UNC13B: variants seen among roughly 807,000 people sequenced by gnomAD.
UNC13B encodes unc-13 homolog B, also known as protein unc-13 homolog B.
In UNC13B, 144 loss-of-function variants were observed where a neutral mutation model predicts 211.0. The observed-to-expected ratio is 0.68, with a 90% CI of 0.60 to 0.78. The LOEUF is 0.78. Ranked by LOEUF, UNC13B falls within the 30% of genes least tolerant of loss-of-function variation. UNC13B has a pLI of 0.00. For synonymous variants in UNC13B, 709 were observed against 725.8 expected (o/e 0.98, Z 0.37); for missense variants, 1,777 against 2,002.0 (o/e 0.89, Z 2.14).
intron 11 of UNC13B, among the ~76,000 whole-genome samples, chr9:35,340,669 C>G (rs1831934430): frequency 6.6e-6 from 1 of 152,136 alleles, no homozygotes; most frequent in Admixed American, 6.5e-5. Context: ...GTACTGTTGG[C>G]CTAAGGAGGA....
chr9:35,227,027 T>G (rs1312162269), intron 1 of UNC13B, among the ~76,000 whole-genome samples: 1 of 152,254 alleles, frequency 6.6e-6, no homozygotes, highest in Non-Finnish European at 1.5e-5. Flanking sequence ...GCCAGGCTAT[T>G]CAGAGAGATG....
chr9:35,349,087 T>A (rs1251559479), intron 11 of UNC13B, among the ~76,000 whole-genome samples: 1 of 152,046 alleles, frequency 6.6e-6, no homozygotes, highest in South Asian at 2.1e-4. Flanking sequence ...CCAGCTAATT[T>A]TTATATTTTT....
intron 11 of UNC13B, chr9:35,351,682 G>A (rs1019143183): frequency 1.5e-5 from 19 of 1,232,164 alleles, no homozygotes; most frequent in Non-Finnish European, 1.9e-5. Flanking sequence ...ACAACTCCCT[G>A]CCCCCTTGCT....
At chr9:35,276,202 A>T (rs1828165298) in intron 7 of UNC13B, among the ~76,000 whole-genome samples, 1 of 149,596 alleles carries the variant, frequency 6.7e-6, no homozygotes, top group East Asian at 2.0e-4. Flanking sequence ...GCTACATGGG[A>T]GGCTGAAGCG....
rs759268832 is a variant in UNC13B, at chr9:35,396,477, G to A, written c.11310G>A (p.Glu3770=). The change falls in exon 27 of 40, where the codon GAG becomes GAA. Residue 3770 remains glutamate (E), a splice_region_variant and synonymous_variant. Coordinates refer to ENST00000635942, the MANE Select transcript of UNC13B (RefSeq NM_001371189.2). ...CCCAACCTTTCTCCCTACCACTAGA[G>A]CATGAGAAAGACCACCTGTGTAAAA... The part of the protein sequence containing the change: ...FAQDMKYALE[E]HEKDHLCKSA... 3 of 1,614,100 alleles carry A rather than the reference G, an allele frequency of 1.9e-6. No homozygotes were observed. In the South Asian group the frequency reaches 3.3e-5, roughly 18 times the overall value.
At chr9:35,380,759 T>A (rs1175723134) in intron 18 of UNC13B, 120 bp downstream of exon 18, 1 of 1,327,606 alleles carries the variant, frequency 7.5e-7, no homozygotes, top group African/African-American at 1.5e-5. Flanking sequence ...AGAGCCTGTC[T>A]CACCTGCAAA....
At chr9:35,291,678 G>T (rs1829105819) in intron 7 of UNC13B, among the ~76,000 whole-genome samples, 1 of 152,182 alleles carries the variant, frequency 6.6e-6, no homozygotes, top group Non-Finnish European at 1.5e-5. Flanking sequence ...GGCCACCTTT[G>T]TTCTAGAGCT....
chr9:35,402,444 G>A (rs975742577), intron 37 of UNC13B, among the ~76,000 whole-genome samples: 9 of 151,940 alleles, frequency 5.9e-5, no homozygotes, highest in Non-Finnish European at 1.0e-4. Context: ...ACCACTGCCA[G>A]CTAATTTTTT....
chr9:35,398,782 T>C, intron 32 of UNC13B, 100 bp from the exon 33 acceptor site: 1 of 1,569,302 alleles, frequency 6.4e-7, no homozygotes, highest in South Asian at 1.2e-5. Flanking sequence ...CTGCTGGAAA[T>C]GCACCATGAG....
At chr9:35,393,697 G>C (rs1394816095) in intron 26 of UNC13B, among the ~76,000 whole-genome samples, 1 of 149,634 alleles carries the variant, frequency 6.7e-6, no homozygotes, top group African/African-American at 2.5e-5. Context: ...TCAGCCACCC[G>C]AGTAGCTGGG....
chr9:35,185,801 C>T (rs1406921851), intron 1 of UNC13B, among the ~76,000 whole-genome samples: 1 of 151,786 alleles, frequency 6.6e-6, no homozygotes, highest in African/African-American at 2.4e-5. Flanking sequence ...GTCTGTATTC[C>T]CAGATACTTG....
intron 11 of UNC13B, among the ~76,000 whole-genome samples, chr9:35,327,800 C>CA (rs1333587322): frequency 6.6e-6 from 1 of 152,220 alleles, no homozygotes. Context: ...GCCATGAAAG[C>CA]ATGTTCTGGA....
intron 1 of UNC13B, among the ~76,000 whole-genome samples, chr9:35,179,152 G>A (rs944521632): frequency 6.6e-6 from 1 of 152,014 alleles, no homozygotes; most frequent in Non-Finnish European, 1.5e-5. Context: ...ATTATACAGG[G>A]TAGTGCTTTG....
At chr9:35,230,742 T>A (rs1825153535) in intron 2 of UNC13B, among the ~76,000 whole-genome samples, 1 of 152,240 alleles carries the variant, frequency 6.6e-6, no homozygotes, top group African/African-American at 2.4e-5. Flanking sequence ...GTGGGCTATA[T>A]AATTAACATA....
Position 35,305,794 on chromosome 9 carries a change from A to G in UNC13B, c.6390A>G (p.Ser2130=). 1 of 399,050 alleles carries G rather than the reference A, an allele frequency of 2.5e-6. No homozygotes were observed. 24.7% of individuals were successfully genotyped at this position (399,050 alleles called of 1,614,324 possible). A position where few individuals can be genotyped will look rare whatever the true frequency, so the allele number is the denominator to read the frequency against. The change falls in exon 9 of 40, where the codon TCA becomes TCG. Residue 2130 remains serine (S), a synonymous_variant. Coordinates refer to ENST00000635942, the MANE Select transcript of UNC13B (RefSeq NM_001371189.2). ...TTGATACCCTGAGCAAGAGAAATTC[A>G]AATGAACAAGATCATTTTTCTGACA... The part of the protein sequence containing the change: ...ISFDTLSKRN[S]NEQDHFSDKD...
At chr9:35,171,448 C>T (rs1297623658) in intron 1 of UNC13B, among the ~76,000 whole-genome samples, 3 of 152,192 alleles carry the variant, frequency 2.0e-5, no homozygotes, top group African/African-American at 7.2e-5. Context: ...GTTGCCCAGA[C>T]TGGAGTGCAG....
intron 1 of UNC13B, among the ~76,000 whole-genome samples, chr9:35,173,034 A>C (rs973058154): frequency 6.6e-6 from 1 of 152,144 alleles, no homozygotes; most frequent in Non-Finnish European, 1.5e-5. Flanking sequence ...TTCTCTTGCA[A>C]CTGTTTGCTT....
chr9:35,167,586 GTTTTT>G (rs35751450), intron 1 of UNC13B, among the ~76,000 whole-genome samples: 1 of 114,984 alleles, frequency 8.7e-6, no homozygotes. Context: ...ATCTTTGTAG[GTTTTT>G]TTTTTTTTTT....
chr9:35,299,364 C>T (rs2131817976), intron 8 of UNC13B, among the ~76,000 whole-genome samples: 1 of 151,928 alleles, frequency 6.6e-6, no homozygotes, highest in East Asian at 1.9e-4. Flanking sequence ...TGACTATATT[C>T]TTGGCTACAC....
Sources: allele counts gnomAD v4.1 joint callset (sites outside exome capture counted in the v4.1 genomes callset), GRCh38; gene constraint gnomAD v4.1.1; transcripts MANE v1.5; gene names NCBI Gene and HGNC (gene_info 2026-07-23, HGNC 2026-07-21).